SERPINB2: variants seen among roughly 807,000 people sequenced by gnomAD.
SERPINB2 encodes the protein serpin family B member 2, also known as plasminogen activator inhibitor 2.
In SERPINB2, 28 loss-of-function variants were observed where a neutral mutation model predicts 39.4. The ratio of observed to expected loss-of-function variants is 0.71; its 90% CI spans 0.53 to 0.97. The LOEUF (loss-of-function observed/expected upper bound fraction) is 0.97, where lower values mean the gene tolerates loss of function less well. Ranked by LOEUF, SERPINB2 falls within the 50% of genes least tolerant of loss-of-function variation. The probability of loss-of-function intolerance (pLI) is 0.00; values close to 1 mark genes in which losing one functional copy is unlikely to be tolerated. For synonymous variants in SERPINB2, 209 were observed against 175.1 expected (o/e 1.19, Z -1.53); for missense variants, 557 against 505.3 (o/e 1.10, Z -0.98).
At chr18:63,900,534 C>A (rs1195414221) in intron 5 of SERPINB2, among the ~76,000 whole-genome samples, 1 of 152,178 alleles carries the variant, frequency 6.6e-6, no homozygotes, top group East Asian at 1.9e-4. Flanking sequence ...AGAGGCACAG[C>A]TCAGGGCAGT....
chr18:63,901,498 C>A (rs1007233828), intron 5 of SERPINB2, among the ~76,000 whole-genome samples: 1 of 152,108 alleles, frequency 6.6e-6, no homozygotes, highest in Non-Finnish European at 1.5e-5. Context: ...ATCTCCATTC[C>A]AAACTTGATA....
chr18:63,902,425 A>G lies in SERPINB2; in HGVS notation c.700A>G (p.Met234Val). 2 of 1,612,884 alleles carry G rather than the reference A, an allele frequency of 1.2e-6. No individual in the cohort carries two copies. Among genetic ancestry groups the G allele is most frequent in the Non-Finnish European group, 1.7e-6 (2 of 1,179,342 alleles). The change falls in exon 7 of 8, where the codon ATG (methionine) becomes GTG (valine). Residue 234 changes from methionine to valine, a missense_variant. Met to Val is a conservative substitution (Grantham distance 21, BLOSUM62 1). Transcript: ENST00000299502. ...TTAGGCTCAGCGCACACCTGTACAG[A>G]TGATGTACTTGCGTGAAAAGCTAAA... ...VNSAQRTPVQ[M>V]MYLREKLNIG... is the part of the protein sequence containing the mutation.
intron 1 of SERPINB2, among the ~76,000 whole-genome samples, chr18:63,891,100 C>T (rs539687286): frequency 6.6e-6 from 1 of 152,098 alleles, no homozygotes; most frequent in Non-Finnish European, 1.5e-5. Flanking sequence ...CACAAAGTGT[C>T]GCTGCTCATC....
At chr18:63,900,031 C>G (rs76907000) in intron 5 of SERPINB2, among the ~76,000 whole-genome samples, 1 of 152,106 alleles carries the variant, frequency 6.6e-6, no homozygotes, top group East Asian at 1.9e-4. Flanking sequence ...AAATGGAGAG[C>G]AAAATTAAAG....
chr18:63,888,472 T>C (rs1409708957), intron 1 of SERPINB2, among the ~76,000 whole-genome samples: 1 of 152,180 alleles, frequency 6.6e-6, no homozygotes, highest in Non-Finnish European at 1.5e-5. Context: ...CAGTATTTGA[T>C]GAGATATTCC....
At chr18:63,896,731 T>G (rs1358993512) in intron 3 of SERPINB2, among the ~76,000 whole-genome samples, 1 of 152,224 alleles carries the variant, frequency 6.6e-6, no homozygotes. Flanking sequence ...ACTATAGTCA[T>G]TATACTGTAC....
chr18:63,890,835 G>A (rs568696119), intron 1 of SERPINB2: 46 of 152,536 alleles, frequency 3.0e-4, no homozygotes, highest in Non-Finnish European at 5.1e-4. Context: ...TTCAAACAAT[G>A]AGTCAAAGTC....
chr18:63,902,777 CT>C, intron 7 of SERPINB2, 123 bp from the exon 8 acceptor site: 1 of 1,187,908 alleles, frequency 8.4e-7, no homozygotes, highest in Non-Finnish European at 1.2e-6. Flanking sequence ...AATCTGTTAA[CT>C]TTCTATATCA....
intron 2 of SERPINB2, chr18:63,892,486 CATG>C (rs1291459527): frequency 6.6e-6 from 1 of 152,196 alleles, no homozygotes; most frequent in East Asian, 1.9e-4. Context: ...TCGATGTGGC[CATG>C]ATATCATTAA....
chr18:63,890,021 A>C (rs1258556305), intron 1 of SERPINB2: 1 of 152,232 alleles, frequency 6.6e-6, no homozygotes, highest in East Asian at 1.9e-4. Flanking sequence ...TCTGAGCATC[A>C]GGATATAATC....
At chr18:63,890,067 A>T (rs1403086433) in intron 1 of SERPINB2, 1 of 152,238 alleles carries the variant, frequency 6.6e-6, no homozygotes, top group Non-Finnish European at 1.5e-5. Context: ...CCTCATACAG[A>T]TTCTGCAAAG....
intron 5 of SERPINB2, among the ~76,000 whole-genome samples, chr18:63,898,399 C>T (rs2049973547): frequency 6.6e-6 from 1 of 152,142 alleles, no homozygotes; most frequent in Non-Finnish European, 1.5e-5. Context: ...CAGGCTCCTG[C>T]CTCCCTCTGT....
chr18:63,901,979 A>G, intron 6 of SERPINB2, 97 bp downstream of exon 6: 1 of 1,176,546 alleles, frequency 8.5e-7, no homozygotes, highest in Non-Finnish European at 1.2e-6. Flanking sequence ...TAGACTTGCT[A>G]GTTAGAAGTT....
intron 1 of SERPINB2, among the ~76,000 whole-genome samples, chr18:63,889,593 T>C (rs1568234322): frequency 6.6e-6 from 1 of 152,206 alleles, no homozygotes; most frequent in Non-Finnish European, 1.5e-5. Flanking sequence ...ATTTGTGTTA[T>C]TAATACTCAG....
intron 3 of SERPINB2, among the ~76,000 whole-genome samples, chr18:63,896,742 A>G (rs527317238): frequency 6.6e-6 from 1 of 152,248 alleles, no homozygotes; most frequent in Non-Finnish European, 1.5e-5. Flanking sequence ...TATACTGTAC[A>G]TTAGATCCCC....
chr18:63,902,902 T>C lies in SERPINB2; in HGVS notation c.845T>C (p.Leu282Pro). The part of the protein sequence containing the change: ...IADVSTGLEL[L>P]ESEITYDKLN... The stretch of plus-strand genomic sequence containing the variant: ...GTTTTGTTTTGTTTTGCTTTGCAGC[T>C]GGAAAGTGAAATAACCTATGACAAA... The change falls in exon 8 of 8, where the codon CTG becomes CCG. Residue 282 changes from leucine (L) to proline (P), a missense_variant and splice_region_variant. Coordinates refer to ENST00000299502, the MANE Select transcript of SERPINB2 (RefSeq NM_002575.3). The C allele has an allele frequency of 6.3e-7, 1 of 1,583,606 alleles. No homozygotes were observed. Among genetic ancestry groups the C allele is most frequent in the Non-Finnish European group, 8.6e-7 (1 of 1,164,148 alleles).
rs1599064922 is a variant in SERPINB2, at chr18:63,902,300, C to T, written c.679-104C>T. 6.8e-6 allele frequency: 7 copies of T among 1,033,342 alleles called. No individual in the cohort carries two copies. In the East Asian group the frequency reaches 1.1e-4, roughly 16 times the overall value. The allele number at this position is 1,033,342 out of a possible 1,614,324, so 64.0% of individuals were successfully genotyped here. On this transcript the variant is annotated intron_variant, in intron 6 of 7. Transcript: ENST00000299502. ...TTATTTTGTTGATTTAAAAAAATCACATTTATCCTACACTAAAGTAGAACC... is the reference window on the plus strand; with the variant it reads ...TTATTTTGTTGATTTAAAAAAATCATATTTATCCTACACTAAAGTAGAACC...
intron 1 of SERPINB2, among the ~76,000 whole-genome samples, chr18:63,890,369 G>A (rs1303249915): frequency 2.0e-5 from 3 of 152,160 alleles, no homozygotes; most frequent in East Asian, 3.9e-4. Flanking sequence ...TCCCCAGTTC[G>A]GGGAAGGCAC....
chr18:63,897,695 T>C (rs1312036836), intron 4 of SERPINB2, 32 bp from the exon 5 acceptor site: 2 of 1,369,104 alleles, frequency 1.5e-6, no homozygotes, highest in African/African-American at 2.9e-5. Context: ...GTATGTATTT[T>C]ATGTAGCCTT....
Sources: allele counts gnomAD v4.1 joint callset (sites outside exome capture counted in the v4.1 genomes callset), GRCh38; gene constraint gnomAD v4.1.1; transcripts MANE v1.5; gene names NCBI Gene and HGNC (gene_info 2026-07-23, HGNC 2026-07-21).